SQSTM1: variants seen among roughly 807,000 people sequenced by gnomAD.
The protein encoded by SQSTM1 is sequestosome 1.
SQSTM1 carries 36 observed loss-of-function variants against 45.1 expected under a neutral mutation model. The ratio of observed to expected loss-of-function variants is 0.80; its 90% CI spans 0.61 to 1.05. The LOEUF (loss-of-function observed/expected upper bound fraction) is 1.05. SQSTM1 is among the 50% of genes least tolerant of loss of function. The probability of loss-of-function intolerance (pLI) is 0.00; values close to 1 mark genes in which losing one functional copy is unlikely to be tolerated. For missense variants in SQSTM1, 617 were observed against 607.1 expected (o/e 1.02, Z -0.17); for synonymous variants, 290 against 244.3 (o/e 1.19, Z -1.74).
At chr5:179,835,943 T>C in intron 7 of SQSTM1, 1 of 231,354 alleles carries the variant, frequency 4.3e-6, no homozygotes. Context: ...TCCACATCTT[T>C]GCAATTGTGA....
At chr5:179,834,700 G>A (rs938743894) in intron 7 of SQSTM1, among the ~76,000 whole-genome samples, 76 of 152,318 alleles carry the variant, frequency 5.0e-4, no homozygotes, top group African/African-American at 1.8e-3. Flanking sequence ...AGTGGACACA[G>A]CACATGTTTC....
chr5:179,831,424 G>A (rs1356891201), intron 5 of SQSTM1, among the ~76,000 whole-genome samples: 1 of 152,172 alleles, frequency 6.6e-6, no homozygotes, highest in Non-Finnish European at 1.5e-5. Context: ...CACTTTGGGA[G>A]GCCAAGGCAG....
chr5:179,820,958 G>T lies in SQSTM1; in HGVS notation c.22G>T (p.Ala8Ser). 1.9e-6 allele frequency: 3 copies of T among 1,571,690 alleles called. No individual in the cohort carries two copies. Among genetic ancestry groups the T allele is most frequent in the Middle Eastern group, 1.7e-4 (1 of 5,908 alleles). MASLTVK[A>S]YLLGKEDAAR... The stretch of plus-strand genomic sequence containing the variant: ...CGCTATGGCGTCGCTCACCGTGAAG[G>T]CCTACCTTCTGGGCAAGGAGGACGC... The change falls in exon 1 of 8, where the codon GCC becomes TCC. Residue 8 changes from alanine (A) to serine (S), a missense_variant. Ala to Ser is a moderately conservative substitution (Grantham distance 99, BLOSUM62 1). Coordinates refer to ENST00000389805, the MANE Select transcript of SQSTM1 (RefSeq NM_003900.5).
At chr5:179,817,249 C>A (rs1189270477), upstream of SQSTM1, among the ~76,000 whole-genome samples, 3 of 152,224 alleles carry the variant, frequency 2.0e-5, no homozygotes, top group African/African-American at 4.8e-5. Context: ...GCAGGTTCTG[C>A]CCCGGGCCGC....
At chr5:179,811,272 C>T (rs1328528145) in intron 1 of SQSTM1, among the ~76,000 whole-genome samples, 1 of 150,960 alleles carries the variant, frequency 6.6e-6, no homozygotes, top group Non-Finnish European at 1.5e-5. Flanking sequence ...CCACACCTGC[C>T]TAAGCACTGG....
At position 179,834,152 on chromosome 5, in the gene SQSTM1, TGA is replaced by T. The variant is rs201628633; in HGVS notation, c.1165+374_1165+375del. 2.6e-3 allele frequency among the ~76,000 whole-genome samples: 170 copies of T among 64,266 alleles called. 3 individuals carry two copies. The highest frequency in any genetic ancestry group is 0.013 in the African/African-American group (146 of 10,870). The allele number at this position is 64,266 out of a possible 152,430, so 42.2% of individuals were successfully genotyped here. ...AGTGCCGCCTCAGGGAGTGCTGGTC[TGA>T]GAGGGGGGGGGGTCATAGCCAAGAT... is the stretch of plus-strand genomic sequence containing the variant. On this transcript the variant is annotated intron_variant, in intron 7 of 7. Coordinates refer to ENST00000389805, the MANE Select transcript of SQSTM1 (RefSeq NM_003900.5).
Position 179,820,929 on chromosome 5 carries a change from C to T in SQSTM1, c.-8C>T, listed in dbSNP as rs762876294. ...GACGGCCCGTTTTCCGCCAGCTCGC[C>T]GCTCGCTATGGCGTCGCTCACCGTG... On this transcript the variant is annotated 5_prime_UTR_variant, in exon 1 of 8. Transcript: ENST00000389805. The T allele has an allele frequency of 2.0e-5, 30 of 1,530,990 alleles. No homozygotes were observed. The Admixed American group carries it at 2.4e-4, about 12-fold the overall frequency. The allele number at this position is 1,530,990 out of a possible 1,614,324, so 94.8% of individuals were successfully genotyped here.
chr5:179,836,306 G>A lies in SQSTM1; in HGVS notation c.1166-130G>A, dbSNP rs1758551256. The A allele has an allele frequency of 4.8e-6, 6 of 1,240,290 alleles. No homozygotes were observed. The Admixed American group carries it at 1.0e-4, about 21-fold the overall frequency. The allele number at this position is 1,240,290 out of a possible 1,614,324, so 76.8% of individuals were successfully genotyped here. A position where few individuals can be genotyped will look rare whatever the true frequency, so the allele number is the denominator to read the frequency against. Reference sequence around the variant, plus strand: ...AAGCAGGTCCACTGTGGCCTGTGAGGACGAGAGCTCTGGGCAGGCTCGGAC... The same window carrying A: ...AAGCAGGTCCACTGTGGCCTGTGAGAACGAGAGCTCTGGGCAGGCTCGGAC... On this transcript the variant is annotated intron_variant, in intron 7 of 7. Coordinates refer to ENST00000389805, the MANE Select transcript of SQSTM1 (RefSeq NM_003900.5).
chr5:179,833,180 G>C lies in SQSTM1; in HGVS notation c.903G>C (p.Glu301Asp), dbSNP rs1427049352. Reference protein sequence around the residue: ...SDPSKPGGNVEGATQSLAEQM... With the variant: ...SDPSKPGGNVDGATQSLAEQM... ...CCAGCAAGCCGGGTGGGAATGTTGA[G>C]GGCGCCACGCAGTCTCTGGCGGAGC... is the stretch of plus-strand genomic sequence containing the variant. Residue 301 changes from glutamate (E) to aspartate (D), a missense_variant, in exon 6 of 8, where the codon GAG becomes GAC. Glu to Asp is a conservative substitution (Grantham distance 45). Transcript: ENST00000389805. 2 of 1,613,676 alleles carry C rather than the reference G, an allele frequency of 1.2e-6. No homozygotes were observed. The highest frequency in any genetic ancestry group is 1.3e-5 in the African/African-American group (1 of 74,918).
intron 7 of SQSTM1, 42 bp downstream of exon 7, chr5:179,833,824 C>T (rs747206809): frequency 1.9e-6 from 3 of 1,603,040 alleles, no homozygotes; most frequent in Non-Finnish European, 2.6e-6. Context: ...CTACCTTTCC[C>T]TTTAGAGCAT....
chr5:179,827,958 G>A (rs900401816), intron 5 of SQSTM1, among the ~76,000 whole-genome samples: 2 of 152,176 alleles, frequency 1.3e-5, no homozygotes, highest in Admixed American at 1.3e-4. Context: ...AACCTGCTGA[G>A]GGAGCCACAA....
chr5:179,809,804 C>T (rs907339910), intron 1 of SQSTM1, among the ~76,000 whole-genome samples: 8 of 151,170 alleles, frequency 5.3e-5, no homozygotes, highest in African/African-American at 1.7e-4. Flanking sequence ...CTACCACACC[C>T]GGCTAATTTT....
At chr5:179,826,042 C>T (rs1757974620) in intron 5 of SQSTM1, among the ~76,000 whole-genome samples, 1 of 152,180 alleles carries the variant, frequency 6.6e-6, no homozygotes, top group African/African-American at 2.4e-5. Flanking sequence ...TGTGTCCACC[C>T]AGCCTGTCCA....
intron 7 of SQSTM1, among the ~76,000 whole-genome samples, chr5:179,834,159 G>T (rs1261623694): frequency 2.7e-5 from 4 of 146,580 alleles, no homozygotes; most frequent in African/African-American, 7.6e-5. Flanking sequence ...GTCTGAGAGG[G>T]GGGGGGGTCA....
rs772785564 is a variant in SQSTM1, at chr5:179,837,637, A to C, written c.*1044A>C. The C allele has an allele frequency of 2.5e-6, 4 of 1,614,172 alleles. No individual in the cohort carries two copies. Among genetic ancestry groups the C allele is most frequent in the Admixed American group, 1.7e-5 (1 of 60,028 alleles). ...CCTGTGCTCTGGGGGTCCCTTGCTT[A>C]GCCTGTGCTGGACCAGCTGGCCTGG... is the stretch of plus-strand genomic sequence containing the variant. On this transcript the variant is annotated 3_prime_UTR_variant, in exon 8 of 8. Coordinates refer to ENST00000389805, the MANE Select transcript of SQSTM1 (RefSeq NM_003900.5).
At position 179,837,665 on chromosome 5, in the gene SQSTM1, T is replaced by A; in HGVS notation, c.*1072T>A. 6.2e-7 allele frequency: 1 copy of A among 1,614,174 alleles called. No homozygotes were observed. The highest frequency in any genetic ancestry group is 8.5e-7 in the Non-Finnish European group (1 of 1,180,034). On this transcript the variant is annotated 3_prime_UTR_variant, in exon 8 of 8. Coordinates refer to ENST00000389805, the MANE Select transcript of SQSTM1 (RefSeq NM_003900.5). Reference sequence around the variant, plus strand: ...CTGTGCTGGACCAGCTGGCCTGGGGTCCCTCTGAAGAGACCTTGGCTGCTC... The same window carrying A: ...CTGTGCTGGACCAGCTGGCCTGGGGACCCTCTGAAGAGACCTTGGCTGCTC...
chr5:179,813,660 G>C (rs1192988916), intron 2 of SQSTM1: 2 of 152,126 alleles, frequency 1.3e-5, no homozygotes, highest in Non-Finnish European at 2.9e-5. Flanking sequence ...TAGCTGCTCA[G>C]GGGGTGAGGC....
upstream of SQSTM1, among the ~76,000 whole-genome samples, chr5:179,815,587 G>A (rs1215675668): frequency 1.3e-5 from 2 of 152,116 alleles, no homozygotes; most frequent in African/African-American, 2.4e-5. Flanking sequence ...GCTTTGATCT[G>A]CTCAGGATTC....
At chr5:179,825,796 A>T (rs914667670) in intron 5 of SQSTM1, among the ~76,000 whole-genome samples, 1 of 151,878 alleles carries the variant, frequency 6.6e-6, no homozygotes, top group Non-Finnish European at 1.5e-5. Flanking sequence ...ACCTGACCCC[A>T]GGCATGAGCT....
Sources: gnomAD v4.1 joint callset for allele counts (sites outside exome capture counted in the v4.1 genomes callset) on GRCh38, gnomAD v4.1.1 for gene constraint, MANE v1.5 for transcripts, NCBI Gene and HGNC (gene_info 2026-07-23, HGNC 2026-07-21) for gene names.